LMO7: variants seen among roughly 807,000 people sequenced by gnomAD.
The protein encoded by LMO7 is LIM domain 7.
A neutral mutation model predicts 206.5 loss-of-function variants in LMO7; 120 were observed. The observed-to-expected ratio is 0.58, with a 90% CI of 0.50 to 0.68. LMO7 has a LOEUF of 0.68. Ranked by LOEUF, LMO7 falls within the 30% of genes least tolerant of loss-of-function variation. LMO7 has a pLI of 0.00. For synonymous variants in LMO7, 706 were observed against 681.5 expected (o/e 1.04, Z -0.56); for missense variants, 1,959 against 1,957.9 (o/e 1.00, Z -0.01).
At chr13:75,641,072 C>G (rs975667472) in intron 1 of LMO7, among the ~76,000 whole-genome samples, 1 of 152,166 alleles carries the variant, frequency 6.6e-6, no homozygotes, top group African/African-American at 2.4e-5. Flanking sequence ...CTTACCTGGA[C>G]CTTCAAAGAG....
chr13:75,709,552 T>A (rs977772966), intron 1 of LMO7, among the ~76,000 whole-genome samples: 8 of 152,234 alleles, frequency 5.3e-5, no homozygotes, highest in Admixed American at 5.2e-4. Context: ...TGGCCAGTGA[T>A]GATGAGCATT....
At chr13:75,804,929 T>C (rs779746693) in intron 8 of LMO7, 34 of 1,004,506 alleles carry the variant, frequency 3.4e-5, no homozygotes, top group Middle Eastern at 1.0e-3. Flanking sequence ...GTTTTGCAAA[T>C]CCAGCTTCCT....
intron 3 of LMO7, among the ~76,000 whole-genome samples, chr13:75,744,440 A>G (rs1400885365): frequency 6.6e-6 from 1 of 152,248 alleles, no homozygotes; most frequent in Non-Finnish European, 1.5e-5. Flanking sequence ...TTAATGAGTT[A>G]GAATTACTAA....
At chr13:75,664,771 T>C (rs2038943621) in intron 1 of LMO7, among the ~76,000 whole-genome samples, 1 of 152,250 alleles carries the variant, frequency 6.6e-6, no homozygotes, top group Non-Finnish European at 1.5e-5. Flanking sequence ...CTTGCGAGTT[T>C]GGCTTCTTAC....
chr13:75,841,238 T>C (rs370727609), intron 23 of LMO7, 37 bp downstream of exon 23: 2 of 1,365,316 alleles, frequency 1.5e-6, no homozygotes. Flanking sequence ...TTTTCTTCTC[T>C]TTACCTTGTT....
chr13:75,621,900 AT>A, intron 1 of LMO7: 1 of 1,495,966 alleles, frequency 6.7e-7, no homozygotes, highest in South Asian at 1.4e-5. Context: ...CTTTTATATT[AT>A]TACTTTGAAA....
intron 1 of LMO7, among the ~76,000 whole-genome samples, chr13:75,664,267 A>G (rs2038901044): frequency 6.6e-6 from 1 of 152,064 alleles, no homozygotes; most frequent in African/African-American, 2.4e-5. Context: ...TTTTAGCTCC[A>G]TGAGAACATG....
At chr13:75,737,789 A>AAAAC (rs1555305772) in intron 3 of LMO7, among the ~76,000 whole-genome samples, 8 of 129,906 alleles carry the variant, frequency 6.2e-5, no homozygotes, top group African/African-American at 2.5e-4. Flanking sequence ...AAATAAAAAA[A>AAAAC]AAAAAAAAAA....
chr13:75,848,291 C>T (rs544234703), intron 26 of LMO7, among the ~76,000 whole-genome samples: 2 of 152,274 alleles, frequency 1.3e-5, no homozygotes, highest in South Asian at 2.1e-4. Context: ...GCCTAGTTCC[C>T]ACTTACAAGT....
At chr13:75,684,819 A>G (rs1481307621) in intron 1 of LMO7, among the ~76,000 whole-genome samples, 2 of 141,584 alleles carry the variant, frequency 1.4e-5, no homozygotes, top group Non-Finnish European at 3.0e-5. Flanking sequence ...ATATGTATAT[A>G]CATATATACA....
chr13:75,737,809 C>T (rs1484355950), intron 3 of LMO7, among the ~76,000 whole-genome samples: 1 of 45,318 alleles, frequency 2.2e-5, no homozygotes, highest in East Asian at 9.1e-4. Context: ...AAACTTTTTA[C>T]TTTGAAATAA....
chr13:75,717,709 T>C (rs2043669903), intron 2 of LMO7, among the ~76,000 whole-genome samples: 2 of 152,110 alleles, frequency 1.3e-5, no homozygotes, highest in Non-Finnish European at 2.9e-5. Context: ...TCTATCTTTT[T>C]GTTGGAGTTG....
At chr13:75,768,175 A>G (rs77673952) in intron 4 of LMO7, among the ~76,000 whole-genome samples, 2 of 152,102 alleles carry the variant, frequency 1.3e-5, no homozygotes, top group Non-Finnish European at 2.9e-5. Context: ...TGACTTTAAG[A>G]AGATACATGT....
At chr13:75,709,924 G>A in intron 1 of LMO7, among the ~76,000 whole-genome samples, 1 of 152,068 alleles carries the variant, frequency 6.6e-6, no homozygotes, top group East Asian at 1.9e-4. Context: ...GGGTTTTTAT[G>A]GTTTTAGGTC....
chr13:75,775,015 T>C (rs1237753606), intron 4 of LMO7, among the ~76,000 whole-genome samples: 1 of 152,122 alleles, frequency 6.6e-6, no homozygotes, highest in Admixed American at 6.5e-5. Context: ...AGAGAGAATG[T>C]CAGGAAGGTT....
intron 4 of LMO7, among the ~76,000 whole-genome samples, chr13:75,775,814 A>C (rs1034711170): frequency 2.0e-5 from 3 of 151,800 alleles, no homozygotes; most frequent in Non-Finnish European, 4.4e-5. Flanking sequence ...AAGATGTTGG[A>C]TGTTGGTGAA....
intron 1 of LMO7, among the ~76,000 whole-genome samples, chr13:75,644,610 T>C (rs1399140722): frequency 6.6e-6 from 1 of 152,204 alleles, no homozygotes; most frequent in Admixed American, 6.5e-5. Context: ...ATATGTAAGT[T>C]ACAGAATTGC....
intron 3 of LMO7, among the ~76,000 whole-genome samples, chr13:75,753,574 G>A (rs1213008384): frequency 6.6e-6 from 1 of 152,134 alleles, no homozygotes; most frequent in Non-Finnish European, 1.5e-5. Context: ...AGGACCTGGT[G>A]GGAGGTAATT....
rs114473009 is a variant in LMO7, at chr13:75,621,726, G to A, written c.33G>A (p.Thr11=). The stretch of plus-strand genomic sequence containing the variant: ...AAATTAGGATATGCCATATTTTCAC[G>A]TTTTACAGTTGGATGTCCTATGATG... Residue 11 remains threonine (T), a synonymous_variant, in exon 1 of 30, where the codon ACG becomes ACA. Transcript: ENST00000341547. 8.3e-5 allele frequency: 132 copies of A among 1,594,388 alleles called. No individual in the cohort carries two copies. In the African/African-American group the frequency reaches 1.4e-3, roughly 17 times the overall value.
Sources: allele counts gnomAD v4.1 joint callset (sites outside exome capture counted in the v4.1 genomes callset), GRCh38; gene constraint gnomAD v4.1.1; transcripts MANE v1.5; gene names NCBI Gene and HGNC (gene_info 2026-07-23, HGNC 2026-07-21).